The following AGTPBP1 variants were observed in gnomAD, a reference collection of about 807,000 sequenced individuals.
AGTPBP1 encodes the protein cytosolic carboxypeptidase 1.
Under a neutral mutation model 143.9 loss-of-function variants are expected in AGTPBP1, and 70 were observed. The observed-to-expected ratio is 0.49, with a 90% CI of 0.40 to 0.59. The LOEUF (loss-of-function observed/expected upper bound fraction) is 0.59, where lower values mean the gene tolerates loss of function less well. Among genes scored for constraint, AGTPBP1 ranks in the 20% least tolerant of loss-of-function variants. The pLI is 0.00. For missense variants in AGTPBP1, 1,229 were observed against 1,464.5 expected (o/e 0.84, Z 2.62); for synonymous variants, 463 against 500.2 (o/e 0.93, Z 0.99).
chr9:85,799,095 C>T, the AGTPBP1 span, among the ~76,000 whole-genome samples: 1 of 152,012 alleles, frequency 6.6e-6, no homozygotes, highest in African/African-American at 2.4e-5. Flanking sequence ...GGTTTTCTGT[C>T]CTTGTGATAG....
intron 13 of AGTPBP1, among the ~76,000 whole-genome samples, chr9:85,641,260 C>A (rs1018383638): frequency 6.6e-6 from 1 of 152,208 alleles, no homozygotes; most frequent in African/African-American, 2.4e-5. Flanking sequence ...CTTCTTCACA[C>A]AATAATCGAT....
the AGTPBP1 span, among the ~76,000 whole-genome samples, chr9:85,798,855 T>C: frequency 6.6e-6 from 1 of 152,114 alleles, no homozygotes; most frequent in Non-Finnish European, 1.5e-5. Context: ...ATTATTATTA[T>C]TGTTATCATT....
At chr9:85,618,448 A>C (rs144669548) in intron 17 of AGTPBP1, among the ~76,000 whole-genome samples, 2 of 152,264 alleles carry the variant, frequency 1.3e-5, no homozygotes, top group East Asian at 3.9e-4. Context: ...CCAAACAAAC[A>C]AACAAAAAGA....
At chr9:85,666,248 TAAAATA>T (rs1303537040) in intron 8 of AGTPBP1, among the ~76,000 whole-genome samples, 1 of 152,074 alleles carries the variant, frequency 6.6e-6, no homozygotes, top group Admixed American at 6.6e-5. Context: ...AAGATACAGT[TAAAATA>T]ACCTCCTGAG....
At chr9:85,670,644 G>A (rs956993238) in intron 7 of AGTPBP1, among the ~76,000 whole-genome samples, 4 of 152,066 alleles carry the variant, frequency 2.6e-5, no homozygotes, top group East Asian at 1.9e-4. Flanking sequence ...CAGGAGGATC[G>A]CTTAAGGCCA....
At chr9:85,562,797 C>T (rs1044942345) in intron 25 of AGTPBP1, among the ~76,000 whole-genome samples, 1 of 152,088 alleles carries the variant, frequency 6.6e-6, no homozygotes, top group African/African-American at 2.4e-5. Context: ...TATATAATAT[C>T]TGAAATTGGG....
At chr9:85,552,926 G>T (rs10868320) in intron 25 of AGTPBP1, among the ~76,000 whole-genome samples, 42,497 of 152,126 alleles carry the variant, frequency 0.28, 8,939 homozygotes, top group African/African-American at 0.57. Context: ...ATTGGCAATT[G>T]GTGAATTGCT....
At chr9:85,632,194 ATTTATCC>A (rs1009285038) in intron 14 of AGTPBP1, among the ~76,000 whole-genome samples, 17 of 152,254 alleles carry the variant, frequency 1.1e-4, no homozygotes, top group Middle Eastern at 3.4e-3. Flanking sequence ...CACTTCAAGC[ATTTATCC>A]TTTCTTCCAA....
chr9:85,695,758 C>T (rs963819232), intron 2 of AGTPBP1, among the ~76,000 whole-genome samples: 3 of 152,104 alleles, frequency 2.0e-5, no homozygotes, highest in Non-Finnish European at 4.4e-5. Context: ...TTCCAAAGAA[C>T]ATCATTTTTA....
At chr9:85,573,650 G>T (rs1011596882) in intron 25 of AGTPBP1, among the ~76,000 whole-genome samples, 1 of 150,762 alleles carries the variant, frequency 6.6e-6, no homozygotes, top group Non-Finnish European at 1.5e-5. Flanking sequence ...ATCCCATCTA[G>T]GAAGTGAGGA....
the AGTPBP1 span, among the ~76,000 whole-genome samples, chr9:85,790,414 G>A: frequency 6.6e-6 from 1 of 152,134 alleles, no homozygotes; most frequent in Non-Finnish European, 1.5e-5. Context: ...GTTGACTGCT[G>A]CGATTCCTTC....
the AGTPBP1 span, among the ~76,000 whole-genome samples, chr9:85,795,144 T>C: frequency 6.6e-6 from 1 of 152,184 alleles, no homozygotes; most frequent in East Asian, 1.9e-4. Flanking sequence ...TCTTTAGGAA[T>C]TGTTTCTATT....
intron 19 of AGTPBP1, among the ~76,000 whole-genome samples, chr9:85,591,467 G>A (rs571553182): frequency 7.2e-5 from 11 of 152,142 alleles, no homozygotes; most frequent in African/African-American, 2.4e-4. Flanking sequence ...AAAACATCAT[G>A]GTAGGGGGAT....
chr9:85,725,105 T>C (rs1838384458), intron 1 of AGTPBP1, among the ~76,000 whole-genome samples: 1 of 152,164 alleles, frequency 6.6e-6, no homozygotes, highest in South Asian at 2.1e-4. Context: ...GTCTACCAAA[T>C]TCGTCACTTG....
chr9:85,742,026 G>T (rs1824350330), upstream of AGTPBP1: 7 of 1,198,984 alleles, frequency 5.8e-6, no homozygotes, highest in South Asian at 4.1e-5. Flanking sequence ...CCCAGCACGC[G>T]CAGGGAGTGG....
chr9:85,737,239 A>G (rs1823859757), intron 1 of AGTPBP1, among the ~76,000 whole-genome samples: 1 of 152,238 alleles, frequency 6.6e-6, no homozygotes, highest in Non-Finnish European at 1.5e-5. Flanking sequence ...TTTCTGCTAC[A>G]TACTGAATTA....
chr9:85,754,351 C>T, the AGTPBP1 span, among the ~76,000 whole-genome samples: 40,319 of 152,048 alleles, frequency 0.27, 6,902 homozygotes, highest in Non-Finnish European at 0.39. Context: ...CCACCATGCC[C>T]GACTAATTTT....
intron 2 of AGTPBP1, among the ~76,000 whole-genome samples, chr9:85,711,123 C>T (rs1007437599): frequency 6.6e-6 from 1 of 152,104 alleles, no homozygotes; most frequent in African/African-American, 2.4e-5. Context: ...AAGAACATTG[C>T]TACAAAGCAG....
intron 13 of AGTPBP1, among the ~76,000 whole-genome samples, chr9:85,640,044 A>T (rs750041550): frequency 4.3e-4 from 65 of 152,250 alleles, no homozygotes; most frequent in Admixed American, 3.6e-3. Flanking sequence ...GTTGATGCTG[A>T]AAATAATATA....
Sources: gnomAD v4.1 joint callset for allele counts (sites outside exome capture counted in the v4.1 genomes callset) on GRCh38, gnomAD v4.1.1 for gene constraint, MANE v1.5 for transcripts, NCBI Gene and HGNC (gene_info 2026-07-23, HGNC 2026-07-21) for gene names.